The following CREG1 variants were observed in gnomAD, a reference collection of about 807,000 sequenced individuals.
CREG1 encodes protein CREG1.
In CREG1, 20 loss-of-function variants were observed where a neutral mutation model predicts 19.9. The observed-to-expected ratio is 1.01, with a 90% CI of 0.71 to 1.46. The LOEUF is 1.46. Ranked by LOEUF, CREG1 falls within the 40% of genes most tolerant of loss-of-function variation. The pLI is 0.00. For synonymous variants in CREG1, 141 were observed against 143.3 expected, an observed-to-expected ratio of 0.98 and a Z score of 0.12; for missense variants, 290 against 314.9, an observed-to-expected ratio of 0.92 and a Z score of 0.60.
rs1656221459 is a variant in CREG1 at position 167,541,456 on chromosome 1, T to C, written c.*842A>G. 1.3e-5 allele frequency: 2 copies of C among 152,206 alleles called. No homozygotes were observed. The highest frequency in any genetic ancestry group is 1.3e-4 in the Admixed American group (2 of 15,272). 9.4% of individuals were successfully genotyped at this position (152,206 alleles called of 1,614,324 possible). ...GTGGTTTGGGAGGGGATTTTGTCCC[T>C]GGCTGAAGCTGGTCCATGCCTGGGT... On this transcript the variant is annotated 3_prime_UTR_variant, in exon 4 of 4. Coordinates refer to ENST00000370509, the MANE Select transcript of CREG1 (RefSeq NM_003851.3).
At chr1:167,552,058 G>A (rs1188011941) in intron 1 of CREG1, among the ~76,000 whole-genome samples, 2 of 152,164 alleles carry the variant, frequency 1.3e-5, no homozygotes, top group Non-Finnish European at 2.9e-5. Flanking sequence ...ACAGAACTTT[G>A]TGTAGGCCAA....
In CREG1 at chr1:167,553,761, G is replaced by C; in HGVS notation, c.-20C>G. The C allele has an allele frequency of 8.2e-7, 1 of 1,218,534 alleles. No homozygotes were observed. Among genetic ancestry groups the C allele is most frequent in the East Asian group, 3.2e-5 (1 of 31,478 alleles). The allele number at this position is 1,218,534 out of a possible 1,614,324, so 75.5% of individuals were successfully genotyped here. On this transcript the variant is annotated 5_prime_UTR_variant, in exon 1 of 4. Coordinates refer to ENST00000370509, the MANE Select transcript of CREG1 (RefSeq NM_003851.3). ...GGCCATGGCGGTGTCTCCAGGAAGA[G>C]TCCCGGGCCCCAAGACCTGCAGGGA...
chr1:167,547,131 C>T (rs532347382), intron 2 of CREG1, among the ~76,000 whole-genome samples: 6 of 152,190 alleles, frequency 3.9e-5, no homozygotes, highest in South Asian at 2.1e-4. Flanking sequence ...ATGATTGACA[C>T]GGTCAAAAAG....
Position 167,553,587 on chromosome 1 carries a change from C to G in CREG1, c.155G>C (p.Arg52Pro), listed in dbSNP as rs1052303040. The change falls in exon 1 of 4, where the codon CGC becomes CCC. Residue 52 changes from arginine (R) to proline (P), a missense_variant. By Grantham distance (103) the Arg-to-Pro change is moderately radical. Coordinates refer to ENST00000370509, the MANE Select transcript of CREG1 (RefSeq NM_003851.3). ...EASRLPPLPP[R>P]EDAARVARFV... ...GCGGGCCACGCGCGCCGCGTCCTCGCGGGGTGGTAGCGGCGGCAGCCGGGA... is the reference window on the plus strand; with the variant it reads ...GCGGGCCACGCGCGCCGCGTCCTCGGGGGGTGGTAGCGGCGGCAGCCGGGA... 1.3e-5 allele frequency: 19 copies of G among 1,429,272 alleles called. No individual in the cohort carries two copies. The highest frequency in any genetic ancestry group is 1.5e-5 in the Non-Finnish European group (16 of 1,096,384). The allele number at this position is 1,429,272 out of a possible 1,614,324, so 88.5% of individuals were successfully genotyped here. A position where few individuals can be genotyped will look rare whatever the true frequency, so the allele number is the denominator to read the frequency against.
intron 1 of CREG1, among the ~76,000 whole-genome samples, chr1:167,551,951 A>C (rs960730988): frequency 5.9e-5 from 9 of 152,236 alleles, no homozygotes; most frequent in African/African-American, 2.2e-4. Context: ...GTGTCACTGG[A>C]TCTTCCCATT....
chr1:167,542,887 G>T (rs1185956177), intron 3 of CREG1, among the ~76,000 whole-genome samples: 2 of 152,184 alleles, frequency 1.3e-5, no homozygotes, highest in Non-Finnish European at 2.9e-5. Flanking sequence ...GAGATAAAAT[G>T]AGGCTTAGCA....
chr1:167,550,303 A>T (rs1656403179), intron 1 of CREG1, among the ~76,000 whole-genome samples: 1 of 152,332 alleles, frequency 6.6e-6, no homozygotes, highest in South Asian at 2.1e-4. Flanking sequence ...ATGCATTTTA[A>T]ACAAACATCC....
chr1:167,553,086 A>T (rs1295522404), intron 1 of CREG1, among the ~76,000 whole-genome samples: 1 of 151,912 alleles, frequency 6.6e-6, no homozygotes, highest in Non-Finnish European at 1.5e-5. Flanking sequence ...GAGCACAGTT[A>T]ATAGAGACAC....
chr1:167,550,039 G>A (rs1337721075), intron 1 of CREG1, among the ~76,000 whole-genome samples: 1 of 152,124 alleles, frequency 6.6e-6, no homozygotes, highest in Non-Finnish European at 1.5e-5. Context: ...ACCCAGGCTG[G>A]AGTGCAATGG....
At position 167,553,608 on chromosome 1, in the gene CREG1, CG is replaced by C; in HGVS notation, c.133del (p.Arg45GlyfsTer18). 7.1e-7 allele frequency: 1 copy of C among 1,409,674 alleles called. No individual in the cohort carries two copies. The highest frequency in any genetic ancestry group is 1.5e-5 in the African/African-American group (1 of 66,890). 87.3% of individuals were successfully genotyped at this position (1,409,674 alleles called of 1,614,324 possible). A position where few individuals can be genotyped will look rare whatever the true frequency, so the allele number is the denominator to read the frequency against. On this transcript the variant is annotated frameshift_variant, in exon 1 of 4. Transcript: ENST00000370509. LOFTEE classifies it high-confidence loss of function. ...CTCGCGGGGTGGTAGCGGCGGCAGC[CG>C]GGAGGCCTCGTCCCAGTCCCCGTGG... is the stretch of plus-strand genomic sequence containing the variant. Reference protein sequence around the residue: ...RDHGDWDEASRLPPLPPREDA... With the variant: ...RDHGDWDEASXLPPLPPREDA...
At chr1:167,548,949 A>G (rs546194099) in intron 1 of CREG1, among the ~76,000 whole-genome samples, 1 of 152,164 alleles carries the variant, frequency 6.6e-6, no homozygotes, top group East Asian at 1.9e-4. Context: ...ACTCAGGTAA[A>G]CTCTCTCCCT....
At position 167,546,178 on chromosome 1, in the gene CREG1, T is replaced by C; in HGVS notation, c.582A>G (p.Ile194Met). 1 of 1,613,694 alleles carries C rather than the reference T, an allele frequency of 6.2e-7. No individual in the cohort carries two copies. The highest frequency in any genetic ancestry group is 1.3e-5 in the African/African-American group (1 of 75,044). The part of the protein sequence containing the change: ...SHNWFFAKLN[I>M]TNIWVLDYFG... ...AGTAGTCCAGGACCCAGATATTGGT[T>C]ATATTCAACTTAGCAAAGAACCAAT... is the stretch of plus-strand genomic sequence containing the variant. The change falls in exon 3 of 4, where the codon ATA becomes ATG. Residue 194 changes from isoleucine (I) to methionine (M), a missense_variant. Coordinates refer to ENST00000370509, the MANE Select transcript of CREG1 (RefSeq NM_003851.3).
rs1187596850 is a variant in CREG1 at position 167,541,791 on chromosome 1, T to A, written c.*507A>T. ...GGAAGCTCCATCTGAGTTTCATCAT[T>A]GTTTGTCTATCTTGGCAAGATTTAT... On this transcript the variant is annotated 3_prime_UTR_variant, in exon 4 of 4. Coordinates refer to ENST00000370509, the MANE Select transcript of CREG1 (RefSeq NM_003851.3). The A allele has an allele frequency of 2.0e-5, 3 of 152,306 alleles. No homozygotes were observed. Among genetic ancestry groups the A allele is most frequent in the African/African-American group, 7.2e-5 (3 of 41,434 alleles). The allele number at this position is 152,306 out of a possible 1,614,324, so 9.4% of individuals were successfully genotyped here. A position where few individuals can be genotyped will look rare whatever the true frequency, so the allele number is the denominator to read the frequency against.
intron 2 of CREG1, among the ~76,000 whole-genome samples, chr1:167,546,515 A>G (rs1656328707): frequency 6.6e-6 from 1 of 152,008 alleles, no homozygotes; most frequent in African/African-American, 2.4e-5. Context: ...GGTGGTGGGC[A>G]CCTGTAGTCC....
chr1:167,542,870 G>A (rs1373604028), intron 3 of CREG1, among the ~76,000 whole-genome samples: 4 of 152,162 alleles, frequency 2.6e-5, no homozygotes, highest in Non-Finnish European at 5.9e-5. Context: ...CCGGATGTGC[G>A]CCAGAGGAGA....
At chr1:167,553,312 T>A in intron 1 of CREG1, 76 bp downstream of exon 1, 1 of 1,144,604 alleles carries the variant, frequency 8.7e-7, no homozygotes, top group Non-Finnish European at 1.1e-6. Flanking sequence ...CGGGAAGAAT[T>A]CTGGGGAGAG....
chr1:167,546,416 G>A (rs912638305), intron 2 of CREG1, 131 bp from the exon 3 acceptor site: 2 of 556,728 alleles, frequency 3.6e-6, no homozygotes, highest in Non-Finnish European at 6.1e-6. Flanking sequence ...GGCCAAGGCG[G>A]GCGGATCACG....
In CREG1 at chr1:167,553,374, G is replaced by A; in HGVS notation, c.354+14C>T. The A allele has an allele frequency of 1.5e-6, 2 of 1,361,506 alleles. No individual in the cohort carries two copies. The highest frequency in any genetic ancestry group is 1.7e-5 in the South Asian group (1 of 60,180). The allele number at this position is 1,361,506 out of a possible 1,614,324, so 84.3% of individuals were successfully genotyped here. On this transcript the variant is annotated intron_variant, in intron 1 of 3. Coordinates refer to ENST00000370509, the MANE Select transcript of CREG1 (RefSeq NM_003851.3). The stretch of plus-strand genomic sequence containing the variant: ...CCCACAGCCCGCCTGGGGAAGCCGC[G>A]GGCCCCAGCTCACCTGCAGGTTGCT...
intron 1 of CREG1, 146 bp downstream of exon 1, chr1:167,553,242 G>A: frequency 1.6e-6 from 1 of 623,440 alleles, no homozygotes; most frequent in Non-Finnish European, 2.5e-6. Flanking sequence ...ACGCTGCAAC[G>A]CCCACCTACC....
Sources: allele counts gnomAD v4.1 joint callset (sites outside exome capture counted in the v4.1 genomes callset), GRCh38; gene constraint gnomAD v4.1.1; transcripts MANE v1.5; gene names NCBI Gene and HGNC (gene_info 2026-07-23, HGNC 2026-07-21).